Variants in GPC5 observed in about 807,000 individuals in gnomAD.
GPC5 encodes glypican-5.
GPC5 carries 47 observed loss-of-function variants against 53.9 expected under a neutral mutation model. The ratio of observed to expected loss-of-function variants is 0.87; its 90% CI spans 0.69 to 1.11. The LOEUF is 1.11. Ranked by LOEUF, GPC5 falls within the 50% of genes most tolerant of loss-of-function variation. The pLI is 0.00. For missense variants in GPC5, 748 were observed against 713.1 expected (o/e 1.05, Z -0.56); for synonymous variants, 286 against 263.3 (o/e 1.09, Z -0.84).
chr13:91,591,730 T>C (rs1347133735), intron 2 of GPC5, among the ~76,000 whole-genome samples: 1 of 152,240 alleles, frequency 6.6e-6, no homozygotes, highest in African/African-American at 2.4e-5. Flanking sequence ...CTATTTGCTG[T>C]TAATACTTTT....
intron 6 of GPC5, among the ~76,000 whole-genome samples, chr13:92,079,838 C>A (rs9301777): frequency 6.6e-6 from 1 of 152,126 alleles, no homozygotes; most frequent in Non-Finnish European, 1.5e-5. Context: ...ACCTGCCTCT[C>A]GCTTGCCTTT....
intron 7 of GPC5, among the ~76,000 whole-genome samples, chr13:92,528,991 G>C (rs1309582707): frequency 2.0e-5 from 3 of 151,920 alleles, no homozygotes; most frequent in Non-Finnish European, 4.4e-5. Flanking sequence ...CATTATTACT[G>C]CACCAGTGTC....
At chr13:92,524,855 A>G (rs2138975042) in intron 7 of GPC5, among the ~76,000 whole-genome samples, 1 of 152,240 alleles carries the variant, frequency 6.6e-6, no homozygotes, top group East Asian at 1.9e-4. Flanking sequence ...GTCCAGAATT[A>G]AATGTAGGCA....
intron 7 of GPC5, among the ~76,000 whole-genome samples, chr13:92,190,573 TAGG>T (rs968743481): frequency 2.5e-4 from 38 of 152,146 alleles, no homozygotes; most frequent in African/African-American, 7.2e-4. Flanking sequence ...ATACAAGAGA[TAGG>T]AGGAAGGAAT....
At chr13:92,778,570 C>A (rs778765942) in intron 7 of GPC5, among the ~76,000 whole-genome samples, 6 of 152,162 alleles carry the variant, frequency 3.9e-5, no homozygotes, top group Non-Finnish European at 7.4e-5. Context: ...AATATATTGT[C>A]TTGATACTAA....
intron 7 of GPC5, among the ~76,000 whole-genome samples, chr13:92,559,624 A>G (rs553831282): frequency 6.6e-6 from 1 of 151,630 alleles, no homozygotes; most frequent in South Asian, 2.1e-4. Context: ...GTGACTAAGG[A>G]CCACCTTGTT....
intron 5 of GPC5, among the ~76,000 whole-genome samples, chr13:91,762,894 G>A (rs900924425): frequency 1.4e-4 from 21 of 151,972 alleles, no homozygotes; most frequent in East Asian, 7.7e-4. Context: ...CCCCTCATTT[G>A]TGTTTCATTT....
rs116242356 is a variant in GPC5, at chr13:92,477,499, C to T, written c.1561+332510C>T. The stretch of plus-strand genomic sequence containing the variant: ...CCAGTCTGTCTGAGGGCTATGCTTT[C>T]TTCTTCCCTCTCCTGAGTGAAGGCA... On this transcript the variant is annotated intron_variant, in intron 7 of 7. Transcript: ENST00000377067. Among the ~76,000 whole-genome samples the T allele has an allele frequency of 3.1e-3, 479 of 152,228 alleles. 1 individual carries two copies. Among genetic ancestry groups the T allele is most frequent in the African/African-American group, 0.011 (443 of 41,544 alleles).
chr13:91,485,213 CTTTTT>C (rs3052562), intron 2 of GPC5, among the ~76,000 whole-genome samples: 1 of 141,258 alleles, frequency 7.1e-6, no homozygotes, highest in Non-Finnish European at 1.5e-5. Context: ...ATCTTGGTCC[CTTTTT>C]TTTTTTTTTT....
chr13:92,244,984 G>A (rs967542652), intron 7 of GPC5, among the ~76,000 whole-genome samples: 11 of 149,460 alleles, frequency 7.4e-5, no homozygotes, highest in South Asian at 2.1e-4. Context: ...GTTGCAGTGT[G>A]CCAAGATTGG....
At chr13:92,852,627 A>G (rs1216627936) in intron 7 of GPC5, among the ~76,000 whole-genome samples, 1 of 152,082 alleles carries the variant, frequency 6.6e-6, no homozygotes, top group East Asian at 1.9e-4. Flanking sequence ...CTGGAATGCA[A>G]TGATGCTATC....
chr13:91,700,190 C>T (rs1030148791), intron 3 of GPC5, among the ~76,000 whole-genome samples: 2 of 151,992 alleles, frequency 1.3e-5, no homozygotes, highest in Non-Finnish European at 2.9e-5. Context: ...TGGAACCTCT[C>T]CTGAGGTGAT....
At chr13:91,671,795 A>C (rs892888470) in intron 2 of GPC5, among the ~76,000 whole-genome samples, 9 of 149,542 alleles carry the variant, frequency 6.0e-5, no homozygotes, top group African/African-American at 1.7e-4. Flanking sequence ...AAAAAAAAAA[A>C]AAAAAAAAAA....
At chr13:92,670,808 A>C (rs539265262) in intron 7 of GPC5, among the ~76,000 whole-genome samples, 1 of 152,246 alleles carries the variant, frequency 6.6e-6, no homozygotes, top group Admixed American at 6.5e-5. Flanking sequence ...CACTTTTCAA[A>C]TTCTGTGTGA....
chr13:91,866,870 T>C (rs766505271), intron 5 of GPC5, among the ~76,000 whole-genome samples: 1 of 152,234 alleles, frequency 6.6e-6, no homozygotes, highest in Non-Finnish European at 1.5e-5. Context: ...ATTCACTGTT[T>C]AGCTCTATTT....
At chr13:92,325,103 G>GACACACACACACAC (rs140189672) in intron 7 of GPC5, among the ~76,000 whole-genome samples, 1 of 146,336 alleles carries the variant, frequency 6.8e-6, no homozygotes, top group African/African-American at 2.5e-5. Context: ...AATAACTTCT[G>GACACACACACACAC]ACACACACAC....
chr13:91,611,030 T>C (rs1324863560), intron 2 of GPC5, among the ~76,000 whole-genome samples: 2 of 152,184 alleles, frequency 1.3e-5, no homozygotes, highest in African/African-American at 2.4e-5. Context: ...CTGTTAGAAA[T>C]TGCCAGGGAG....
chr13:92,806,147 C>T (rs967771494), intron 7 of GPC5, among the ~76,000 whole-genome samples: 1 of 152,114 alleles, frequency 6.6e-6, no homozygotes, highest in African/African-American at 2.4e-5. Flanking sequence ...CTTGCTGCAG[C>T]TTCTCCATCA....
intron 3 of GPC5, among the ~76,000 whole-genome samples, chr13:91,706,243 T>C (rs2036103459): frequency 6.6e-6 from 1 of 152,058 alleles, no homozygotes; most frequent in Non-Finnish European, 1.5e-5. Context: ...CATACTAAGA[T>C]CTGTAAAGTT....
Sources: gnomAD v4.1 joint callset for allele counts (sites outside exome capture counted in the v4.1 genomes callset) on GRCh38, gnomAD v4.1.1 for gene constraint, MANE v1.5 for transcripts, NCBI Gene and HGNC (gene_info 2026-07-23, HGNC 2026-07-21) for gene names.